The following FASLG variants were observed in gnomAD, a reference collection of about 807,000 sequenced individuals.
The protein encoded by FASLG is Fas ligand, also known as tumor necrosis factor ligand superfamily member 6.
FASLG carries 9 observed loss-of-function variants against 24.6 expected under a neutral mutation model. The observed-to-expected ratio is 0.37, with a 90% CI of 0.22 to 0.64. The LOEUF is 0.64. Among genes scored for constraint, FASLG ranks in the 30% least tolerant of loss-of-function variants. The probability of loss-of-function intolerance (pLI) is 0.64; values close to 1 mark genes in which losing one functional copy is unlikely to be tolerated. For synonymous variants in FASLG, 130 were observed against 135.5 expected, an observed-to-expected ratio of 0.96 and a Z score of 0.28; for missense variants, 306 against 345.3, an observed-to-expected ratio of 0.89 and a Z score of 0.90.
chr1:172,665,400 G>A (rs556810694), intron 3 of FASLG, among the ~76,000 whole-genome samples: 2 of 152,214 alleles, frequency 1.3e-5, no homozygotes, highest in South Asian at 2.1e-4. Context: ...AATGGATTAC[G>A]GGTATATACT....
intron 2 of FASLG, 58 bp downstream of exon 2, chr1:172,660,198 A>G (rs1261824870): frequency 1.3e-6 from 2 of 1,524,072 alleles, no homozygotes; most frequent in Non-Finnish European, 1.8e-6. Context: ...GCACAGAACT[A>G]TGTTAATGGA....
intron 3 of FASLG, among the ~76,000 whole-genome samples, chr1:172,664,603 C>T (rs1329933997): frequency 6.6e-6 from 1 of 152,172 alleles, no homozygotes; most frequent in Non-Finnish European, 1.5e-5. Context: ...AAATTGGAGA[C>T]CTGGAGCTGA....
At chr1:172,662,424 G>A (rs1204332101) in intron 2 of FASLG, among the ~76,000 whole-genome samples, 1 of 152,224 alleles carries the variant, frequency 6.6e-6, no homozygotes, top group Non-Finnish European at 1.5e-5. Flanking sequence ...GTTGGATGCT[G>A]ATTGAGGATG....
intron 2 of FASLG, among the ~76,000 whole-genome samples, chr1:172,660,550 G>A (rs996822430): frequency 7.9e-5 from 12 of 152,200 alleles, no homozygotes; most frequent in African/African-American, 2.9e-4. Context: ...TCTGAGAAAC[G>A]TCCTTTCCTC....
rs556639319 is a variant in FASLG, at chr1:172,666,322, A to C, written c.*306A>C. 4.0e-5 allele frequency: 14 copies of C among 353,990 alleles called. No homozygotes were observed. The East Asian group carries it at 6.9e-4, about 17-fold the overall frequency. 21.9% of individuals were successfully genotyped at this position (353,990 alleles called of 1,614,324 possible). ...TCTTAGTGCCTGAGAGTATTTAGGCAGATTGAAAAGGACACCTTTTAACTC... is the reference window on the plus strand; with the variant it reads ...TCTTAGTGCCTGAGAGTATTTAGGCCGATTGAAAAGGACACCTTTTAACTC... On this transcript the variant is annotated 3_prime_UTR_variant, in exon 4 of 4. Coordinates refer to ENST00000367721, the MANE Select transcript of FASLG (RefSeq NM_000639.3).
chr1:172,665,857 G>T lies in FASLG; in HGVS notation c.687G>T (p.Met229Ile). The part of the protein sequence containing the change: ...PQDLVMMEGK[M>I]MSYCTTGQMW... ...ATCTGGTGATGATGGAGGGGAAGAT[G>T]ATGAGCTACTGCACTACTGGGCAGA... Residue 229 changes from methionine to isoleucine, a missense_variant, in exon 4 of 4, where the codon ATG becomes ATT. By Grantham distance (10) the Met-to-Ile change is conservative (BLOSUM62 1). Transcript: ENST00000367721. 6.2e-7 allele frequency: 1 copy of T among 1,614,010 alleles called. No individual in the cohort carries two copies. Among genetic ancestry groups the T allele is most frequent in the Admixed American group, 1.7e-5 (1 of 60,020 alleles).
chr1:172,660,245 C>T, intron 2 of FASLG, 105 bp downstream of exon 2: 1 of 1,140,168 alleles, frequency 8.8e-7, no homozygotes. Flanking sequence ...GGTTTCTGTA[C>T]ACTATAAGAG....
chr1:172,661,166 T>C (rs540703198), intron 2 of FASLG, among the ~76,000 whole-genome samples: 13 of 152,278 alleles, frequency 8.5e-5, no homozygotes, highest in Admixed American at 3.9e-4. Context: ...GTAGTGAGCA[T>C]GGAATAAGAA....
chr1:172,661,469 C>A (rs144462254), intron 2 of FASLG, among the ~76,000 whole-genome samples: 1 of 152,250 alleles, frequency 6.6e-6, no homozygotes, highest in Admixed American at 6.5e-5. Context: ...AAAGTAAAGC[C>A]TCTGGAGGAC....
Position 172,666,855 on chromosome 1 carries a change from GTA to G in FASLG, c.*843_*844del, listed in dbSNP as rs1659282752. 1 of 152,312 alleles carries G rather than the reference GTA, an allele frequency of 6.6e-6. No individual in the cohort carries two copies. The highest frequency in any genetic ancestry group is 6.5e-5 in the Admixed American group (1 of 15,280). The allele number at this position is 152,312 out of a possible 1,614,324, so 9.4% of individuals were successfully genotyped here. A position where few individuals can be genotyped will look rare whatever the true frequency, so the allele number is the denominator to read the frequency against. Reference sequence around the variant, plus strand: ...GTGAAATGAAAACATGTAATAAAAAGTATATGTTAGGATACAAATAATTTTTA... The same window carrying G: ...GTGAAATGAAAACATGTAATAAAAAGTATGTTAGGATACAAATAATTTTTA... On this transcript the variant is annotated 3_prime_UTR_variant, in exon 4 of 4. Transcript: ENST00000367721.
rs765440709 is a variant in FASLG, at chr1:172,659,471, T to C, written c.270T>C (p.Val90=). The change falls in exon 1 of 4, where the codon GTT becomes GTC. Residue 90 remains valine (V), a synonymous_variant. Transcript: ENST00000367721. ...GLCLLVMFFM[V]LVALVGLGLG... Reference sequence around the variant, plus strand: ...GTCTCCTTGTGATGTTTTTCATGGTTCTGGTTGCCTTGGTAGGATTGGGCC... The same window carrying C: ...GTCTCCTTGTGATGTTTTTCATGGTCCTGGTTGCCTTGGTAGGATTGGGCC... The C allele has an allele frequency of 3.8e-5, 62 of 1,613,906 alleles. No homozygotes were observed. Among genetic ancestry groups the C allele is most frequent in the Non-Finnish European group, 4.9e-5 (58 of 1,179,978 alleles).
At chr1:172,663,819 C>CAGT (rs1282990446) in intron 2 of FASLG, among the ~76,000 whole-genome samples, 1 of 152,074 alleles carries the variant, frequency 6.6e-6, no homozygotes. Context: ...GCAGACAGAT[C>CAGT]AGTAGTCTTC....
At chr1:172,664,987 T>A (rs1405174708) in intron 3 of FASLG, among the ~76,000 whole-genome samples, 1 of 152,234 alleles carries the variant, frequency 6.6e-6, no homozygotes, top group African/African-American at 2.4e-5. Flanking sequence ...TCCGGTCACA[T>A]CAGCAGACAC....
At chr1:172,663,894 C>G (rs1470429521) in intron 2 of FASLG, among the ~76,000 whole-genome samples, 1 of 152,056 alleles carries the variant, frequency 6.6e-6, no homozygotes, top group African/African-American at 2.4e-5. Context: ...CTGGAATTGG[C>G]GTCAGGAGAG....
chr1:172,664,355 A>G lies in FASLG; in HGVS notation c.416A>G (p.Glu139Gly), dbSNP rs368143171. ...KQIGHPSPPP[E>G]KKELRKVAHL... Reference sequence around the variant, plus strand: ...ACAGGCCACCCCAGTCCACCCCCTGAAAAAAAGGAGCTGAGGAAAGTGGCC... The same window carrying G: ...ACAGGCCACCCCAGTCCACCCCCTGGAAAAAAGGAGCTGAGGAAAGTGGCC... The change falls in exon 3 of 4, where the codon GAA becomes GGA. Residue 139 changes from glutamate (E) to glycine (G), a missense_variant. Physicochemically the swap from Glu to Gly is moderately conservative, Grantham distance 98. Transcript: ENST00000367721. 2 of 1,612,874 alleles carry G rather than the reference A, an allele frequency of 1.2e-6. No homozygotes were observed. Among genetic ancestry groups the G allele is most frequent in the Non-Finnish European group, 1.7e-6 (2 of 1,179,114 alleles).
At position 172,659,484 on chromosome 1, in the gene FASLG, G is replaced by A. The variant is rs1314684414; in HGVS notation, c.283G>A (p.Val95Ile). The A allele has an allele frequency of 6.2e-7, 1 of 1,614,070 alleles. No individual in the cohort carries two copies. Among genetic ancestry groups the A allele is most frequent in the Non-Finnish European group, 8.5e-7 (1 of 1,179,982 alleles). ...VMFFMVLVAL[V>I]GLGLGMFQLF... ...GTTTTTCATGGTTCTGGTTGCCTTG[G>A]TAGGATTGGGCCTGGGGATGTTTCA... The change falls in exon 1 of 4, where the codon GTA becomes ATA. Residue 95 changes from valine (V) to isoleucine (I), a missense_variant. Val to Ile is a conservative substitution (Grantham distance 29). Coordinates refer to ENST00000367721, the MANE Select transcript of FASLG (RefSeq NM_000639.3).
chr1:172,659,483 G>T lies in FASLG; in HGVS notation c.282G>T (p.Leu94Phe). 6.2e-7 allele frequency: 1 copy of T among 1,614,076 alleles called. No homozygotes were observed. Among genetic ancestry groups the T allele is most frequent in the African/African-American group, 1.3e-5 (1 of 75,032 alleles). The stretch of plus-strand genomic sequence containing the variant: ...TGTTTTTCATGGTTCTGGTTGCCTT[G>T]GTAGGATTGGGCCTGGGGATGTTTC... ...LVMFFMVLVA[L>F]VGLGLGMFQL... is the part of the protein sequence containing the mutation. Residue 94 changes from leucine (L) to phenylalanine (F), a missense_variant, in exon 1 of 4, where the codon TTG becomes TTT. Coordinates refer to ENST00000367721, the MANE Select transcript of FASLG (RefSeq NM_000639.3).
intron 1 of FASLG, 21 bp downstream of exon 1, chr1:172,659,570 C>T (rs1659094102): frequency 6.2e-7 from 1 of 1,612,528 alleles, no homozygotes; most frequent in South Asian, 1.1e-5. Flanking sequence ...CGGCAGACTG[C>T]TGTGCCCTGG....
chr1:172,663,974 C>A (rs2101809449), intron 2 of FASLG, among the ~76,000 whole-genome samples: 1 of 152,248 alleles, frequency 6.6e-6, no homozygotes, highest in African/African-American at 2.4e-5. Context: ...CTTCTAAGCT[C>A]ATTTTGCAAT....
Sources: gnomAD v4.1 joint callset for allele counts (sites outside exome capture counted in the v4.1 genomes callset) on GRCh38, gnomAD v4.1.1 for gene constraint, MANE v1.5 for transcripts, NCBI Gene and HGNC (gene_info 2026-07-23, HGNC 2026-07-21) for gene names.